RGS13: variants seen among roughly 807,000 people sequenced by gnomAD.
RGS13 encodes regulator of G-protein signalling 13.
A neutral mutation model predicts 19.9 loss-of-function variants in RGS13; 14 were observed. The ratio of observed to expected loss-of-function variants is 0.70; its 90% CI spans 0.46 to 1.10. The LOEUF (loss-of-function observed/expected upper bound fraction) is 1.10. Among genes scored for constraint, RGS13 ranks in the 50% least tolerant of loss-of-function variants. The probability of loss-of-function intolerance (pLI) is 0.00; values close to 1 mark genes in which losing one functional copy is unlikely to be tolerated. For missense variants in RGS13, 205 were observed against 187.1 expected (o/e 1.10, Z -0.56); for synonymous variants, 60 against 56.8 (o/e 1.06, Z -0.25).
intron 4 of RGS13, chr1:192,646,071 A>T (rs1006687157): frequency 6.6e-6 from 1 of 152,200 alleles, no homozygotes; most frequent in Non-Finnish European, 1.5e-5. Context: ...AGTTTTAACA[A>T]GAGAAAAGAA....
chr1:192,651,157 G>A (rs1229589185), intron 5 of RGS13, among the ~76,000 whole-genome samples: 3 of 152,192 alleles, frequency 2.0e-5, no homozygotes, highest in East Asian at 3.9e-4. Context: ...TAAGAATGAC[G>A]AAAATAGTGC....
intron 5 of RGS13, among the ~76,000 whole-genome samples, chr1:192,649,391 T>G (rs1663296586): frequency 6.6e-6 from 1 of 152,076 alleles, no homozygotes; most frequent in Non-Finnish European, 1.5e-5. Context: ...TTTCTTGGAG[T>G]TTCATACTCT....
chr1:192,651,266 C>A (rs4657831), intron 5 of RGS13, among the ~76,000 whole-genome samples: 13,206 of 152,044 alleles, frequency 0.087, 1,152 homozygotes, highest in African/African-American at 0.22. Context: ...GAACAGTGAC[C>A]ACTAGACATG....
chr1:192,647,614 TA>T (rs1182551760), intron 4 of RGS13: 6 of 157,942 alleles, frequency 3.8e-5, no homozygotes, highest in African/African-American at 1.4e-4. Flanking sequence ...AAAAAGACTT[TA>T]AAAAACTACA....
chr1:192,642,940 G>A (rs552387067), intron 3 of RGS13, among the ~76,000 whole-genome samples: 60 of 152,190 alleles, frequency 3.9e-4, no homozygotes, highest in African/African-American at 1.4e-3. Flanking sequence ...GCTTGCTACA[G>A]CCTCCATCTC....
intron 3 of RGS13, among the ~76,000 whole-genome samples, chr1:192,640,366 A>G (rs1663084224): frequency 6.6e-6 from 1 of 152,138 alleles, no homozygotes; most frequent in South Asian, 2.1e-4. Context: ...AATTAATTTC[A>G]GTGTTCATTT....
At chr1:192,640,522 C>T (rs1403482873) in intron 3 of RGS13, among the ~76,000 whole-genome samples, 1 of 152,132 alleles carries the variant, frequency 6.6e-6, no homozygotes, top group African/African-American at 2.4e-5. Context: ...ACTATGCACA[C>T]AAACATATCC....
Position 192,659,399 on chromosome 1 carries a change from CAT to C in RGS13, c.357_358del (p.Cys120PhefsTer2). 3 of 1,612,758 alleles carry C rather than the reference CAT, an allele frequency of 1.9e-6. No individual in the cohort carries two copies. The highest frequency in any genetic ancestry group is 2.2e-5 in the South Asian group (2 of 91,000). On this transcript the variant is annotated frameshift_variant, in exon 7 of 7. Coordinates refer to ENST00000391995, the MANE Select transcript of RGS13 (RefSeq NM_002927.5). LOFTEE classifies it high-confidence loss of function. ...AGGAACATTCAGGAACCCACTGAAA[CAT>C]GTTTTGAAGAAGCTCAGAAAATAGT...
At chr1:192,652,695 C>G (rs1231646825) in intron 5 of RGS13, among the ~76,000 whole-genome samples, 2 of 151,920 alleles carry the variant, frequency 1.3e-5, no homozygotes, top group East Asian at 3.9e-4. Flanking sequence ...TGTTCAATAA[C>G]TAAGGTCTGC....
intron 5 of RGS13, among the ~76,000 whole-genome samples, 159 bp from the exon 6 acceptor site, chr1:192,658,042 T>A (rs1663475229): frequency 6.6e-6 from 1 of 152,170 alleles, no homozygotes; most frequent in Non-Finnish European, 1.5e-5. Context: ...GCTCTAAGTG[T>A]GTGATAGACA....
At chr1:192,641,262 G>GA (rs1444263182) in intron 3 of RGS13, among the ~76,000 whole-genome samples, 18 of 87,314 alleles carry the variant, frequency 2.1e-4, no homozygotes, top group South Asian at 4.3e-4. Context: ...AGAAAAGAAA[G>GA]AAAGAAAGAA....
At chr1:192,652,809 A>G (rs75386793) in intron 5 of RGS13, among the ~76,000 whole-genome samples, 4,402 of 152,114 alleles carry the variant, frequency 0.029, 97 homozygotes, top group Admixed American at 0.052. Flanking sequence ...CTATATAGCA[A>G]GCAGTGTTGA....
At chr1:192,646,658 C>T (rs1473731905) in intron 4 of RGS13, 1 of 152,144 alleles carries the variant, frequency 6.6e-6, no homozygotes, top group African/African-American at 2.4e-5. Flanking sequence ...CCCACGCCCC[C>T]ACCCTACAAC....
In RGS13 at chr1:192,636,265, T is replaced by C. The variant is rs1663017521; in HGVS notation, c.-168T>C. 6.6e-6 allele frequency: 1 copy of C among 152,162 alleles called. No homozygotes were observed. Among genetic ancestry groups the C allele is most frequent in the South Asian group, 2.1e-4 (1 of 4,826 alleles). The allele number at this position is 152,162 out of a possible 1,614,324, so 9.4% of individuals were successfully genotyped here. A position where few individuals can be genotyped will look rare whatever the true frequency, so the allele number is the denominator to read the frequency against. On this transcript the variant is annotated 5_prime_UTR_variant, in exon 1 of 7. Transcript: ENST00000391995. ...TCAGAACCTGATTTCAAACGGATCA[T>C]AACAAAGAGGAGATCAAATTTAGCA...
At chr1:192,655,842 T>C (rs1324920924) in intron 5 of RGS13, among the ~76,000 whole-genome samples, 1 of 151,934 alleles carries the variant, frequency 6.6e-6, no homozygotes, top group Non-Finnish European at 1.5e-5. Context: ...GAGAGATAGA[T>C]AGATGGAAAC....
At chr1:192,636,821 G>A (rs868638518) in intron 1 of RGS13, among the ~76,000 whole-genome samples, 2 of 151,778 alleles carry the variant, frequency 1.3e-5, no homozygotes, top group South Asian at 2.1e-4. Flanking sequence ...TTATGCTTAA[G>A]CACAACTATG....
intron 3 of RGS13, among the ~76,000 whole-genome samples, chr1:192,641,187 GAA>G (rs369512143): frequency 0.036 from 4,385 of 122,862 alleles, 204 homozygotes; most frequent in East Asian, 0.12. Context: ...AGAAAAGAAA[GAA>G]AAAAAAGAAA....
chr1:192,659,785 G>T lies in RGS13; in HGVS notation c.*262G>T. The T allele has an allele frequency of 3.4e-6, 1 of 292,608 alleles. No homozygotes were observed. The allele number at this position is 292,608 out of a possible 1,614,324, so 18.1% of individuals were successfully genotyped here. A position where few individuals can be genotyped will look rare whatever the true frequency, so the allele number is the denominator to read the frequency against. ...AGGAAGGTCTTTCTTCATGATACAA[G>T]CATTATAAAGTTTTTACTGTAGTAG... On this transcript the variant is annotated 3_prime_UTR_variant, in exon 7 of 7. Coordinates refer to ENST00000391995, the MANE Select transcript of RGS13 (RefSeq NM_002927.5).
intron 1 of RGS13, among the ~76,000 whole-genome samples, 179 bp from the exon 2 acceptor site, chr1:192,637,411 T>C (rs1663035518): frequency 6.6e-6 from 1 of 151,964 alleles, no homozygotes; most frequent in Non-Finnish European, 1.5e-5. Context: ...AACACAATTT[T>C]AGATAAAGAG....
Sources: allele counts gnomAD v4.1 joint callset (sites outside exome capture counted in the v4.1 genomes callset), GRCh38; gene constraint gnomAD v4.1.1; transcripts MANE v1.5; gene names NCBI Gene and HGNC (gene_info 2026-07-23, HGNC 2026-07-21).